Variants in TRERF1 observed in about 807,000 individuals in gnomAD.
TRERF1 encodes transcriptional regulating factor 1.
Under a neutral mutation model 122.9 loss-of-function variants are expected in TRERF1, and 27 were observed. The observed-to-expected ratio is 0.22, with a 90% CI of 0.16 to 0.30. The LOEUF (loss-of-function observed/expected upper bound fraction) is 0.30, where lower values mean the gene tolerates loss of function less well. Among genes scored for constraint, TRERF1 ranks in the 10% least tolerant of loss-of-function variants. TRERF1 has a pLI of 1.00. For synonymous variants in TRERF1, 636 were observed against 641.7 expected, an observed-to-expected ratio of 0.99 and a Z score of 0.13; for missense variants, 1,248 against 1,560.3, an observed-to-expected ratio of 0.80 and a Z score of 3.37.
chr6:42,371,219 T>A (rs1292050951), intron 2 of TRERF1, among the ~76,000 whole-genome samples: 1 of 152,134 alleles, frequency 6.6e-6, no homozygotes, highest in Non-Finnish European at 1.5e-5. Context: ...GCATTCAGGA[T>A]AACTGGAGTG....
chr6:42,351,912 A>C (rs911796247), intron 3 of TRERF1, among the ~76,000 whole-genome samples: 4 of 152,314 alleles, frequency 2.6e-5, no homozygotes, highest in Admixed American at 2.6e-4. Context: ...GCAGGGCTCC[A>C]CCGGTGGAGT....
At chr6:42,242,117 A>G (rs1039953518) in intron 15 of TRERF1, among the ~76,000 whole-genome samples, 2 of 152,204 alleles carry the variant, frequency 1.3e-5, no homozygotes, top group Admixed American at 1.3e-4. Context: ...GAAAATTTGC[A>G]TCTGACTGCT....
intron 2 of TRERF1, among the ~76,000 whole-genome samples, chr6:42,443,042 G>A (rs146295448): frequency 7.2e-4 from 110 of 152,300 alleles, no homozygotes; most frequent in Middle Eastern, 3.4e-3. Flanking sequence ...TACAAAATGC[G>A]AGTTATTTCA....
At position 42,451,161 on chromosome 6, in the gene TRERF1, T is replaced by C. The variant is rs1788415735; in HGVS notation, c.-454+16A>G. 1 of 151,480 alleles carries C rather than the reference T, an allele frequency of 6.6e-6. No homozygotes were observed. The highest frequency in any genetic ancestry group is 2.1e-4 in the South Asian group (1 of 4,752). 9.4% of individuals were successfully genotyped at this position (151,480 alleles called of 1,614,324 possible). On this transcript the variant is annotated intron_variant, in intron 2 of 17. Transcript: ENST00000372922. The stretch of plus-strand genomic sequence containing the variant: ...CTAATTTTTTAAAAATGAAACTTAA[T>C]AAGCTTCTTGCCTACCTTGGCTGTT...
intron 4 of TRERF1, among the ~76,000 whole-genome samples, chr6:42,291,689 A>G (rs903879787): frequency 1.3e-4 from 19 of 147,614 alleles, no homozygotes; most frequent in African/African-American, 3.5e-4. Flanking sequence ...GCCTGCCACC[A>G]CGCCCGGCTG....
In TRERF1 at chr6:42,288,544, G is replaced by A. The variant is rs951845818; in HGVS notation, c.-259+12094C>T. 2.1e-5 allele frequency among the ~76,000 whole-genome samples: 3 copies of A among 145,916 alleles called. No homozygotes were observed. The South Asian group carries it at 6.5e-4, about 31-fold the overall frequency. ...GATGGCTCCATTGCACTCCAGCCTG[G>A]GCAACAAGAGCGAAACTCCATCTCA... On this transcript the variant is annotated intron_variant, in intron 4 of 17. Transcript: ENST00000372922.
intron 4 of TRERF1, among the ~76,000 whole-genome samples, chr6:42,291,149 C>T (rs892489700): frequency 2.6e-5 from 4 of 152,200 alleles, no homozygotes; most frequent in African/African-American, 9.7e-5. Flanking sequence ...AGGAAATTAA[C>T]ATGCAGGGGA....
At chr6:42,300,964 G>T (rs1786057519) in intron 3 of TRERF1, among the ~76,000 whole-genome samples, 1 of 152,178 alleles carries the variant, frequency 6.6e-6, no homozygotes, top group African/African-American at 2.4e-5. Flanking sequence ...ATGAGGCCAT[G>T]GAGATGAACT....
chr6:42,379,761 GC>G (rs967349230), intron 2 of TRERF1, among the ~76,000 whole-genome samples: 21 of 152,238 alleles, frequency 1.4e-4, no homozygotes, highest in African/African-American at 5.1e-4. Flanking sequence ...GAAATCCTGA[GC>G]CCAAGCGATC....
intron 2 of TRERF1, among the ~76,000 whole-genome samples, chr6:42,386,617 G>T (rs1489999539): frequency 7.9e-5 from 12 of 152,196 alleles, no homozygotes; most frequent in African/African-American, 2.7e-4. Flanking sequence ...GGTCTGTGCA[G>T]CAACAAGACA....
intron 3 of TRERF1, among the ~76,000 whole-genome samples, chr6:42,336,688 G>A (rs1482566617): frequency 1.3e-5 from 2 of 152,172 alleles, no homozygotes; most frequent in Non-Finnish European, 2.9e-5. Flanking sequence ...CTTGGCGGAG[G>A]AGCATGAACT....
rs181691310 is a variant in TRERF1 at position 42,246,309 on chromosome 6, C to G, written c.2745+147G>C. 23 of 653,300 alleles carry G rather than the reference C, an allele frequency of 3.5e-5. No homozygotes were observed. The East Asian group carries it at 4.5e-4, about 13-fold the overall frequency. 40.5% of individuals were successfully genotyped at this position (653,300 alleles called of 1,614,324 possible). A position where few individuals can be genotyped will look rare whatever the true frequency, so the allele number is the denominator to read the frequency against. On this transcript the variant is annotated intron_variant, in intron 14 of 17. Coordinates refer to ENST00000372922, the Ensembl canonical transcript of TRERF1. Reference sequence around the variant, plus strand: ...GTCCTAACACTGGGGCCATACCACCCCTATCTCCACTACCATCCTCACCAG... The same window carrying G: ...GTCCTAACACTGGGGCCATACCACCGCTATCTCCACTACCATCCTCACCAG...
intron 2 of TRERF1, among the ~76,000 whole-genome samples, chr6:42,404,965 C>T (rs746886674): frequency 1.3e-5 from 2 of 152,164 alleles, no homozygotes; most frequent in Non-Finnish European, 2.9e-5. Flanking sequence ...CACCCCCAGG[C>T]TACAGTCAGC....
chr6:42,425,567 G>A (rs1783519280), intron 2 of TRERF1, among the ~76,000 whole-genome samples: 1 of 109,392 alleles, frequency 9.1e-6, no homozygotes, highest in Non-Finnish European at 1.8e-5. Flanking sequence ...TTTTTGAGAT[G>A]GAGTCTCGCA....
intron 3 of TRERF1, among the ~76,000 whole-genome samples, chr6:42,317,552 A>G (rs1442788399): frequency 6.6e-6 from 1 of 151,880 alleles, no homozygotes; most frequent in African/African-American, 2.4e-5. Flanking sequence ...ACAGGGTCTC[A>G]TTTTGTTGCC....
At position 42,238,578 on chromosome 6, in the gene TRERF1, G is replaced by A. The variant is rs577393492; in HGVS notation, c.2860-2167C>T. Among the ~76,000 whole-genome samples, 13 of 152,224 alleles carry A rather than the reference G, an allele frequency of 8.5e-5. No individual in the cohort carries two copies. In the South Asian group the frequency reaches 2.7e-3, roughly 32 times the overall value. ...TTACTATATTCCAAAATTAGAAGGTGGGCAAATATGGGGGTGGGGAGGAGG... is the reference window on the plus strand; with the variant it reads ...TTACTATATTCCAAAATTAGAAGGTAGGCAAATATGGGGGTGGGGAGGAGG... On this transcript the variant is annotated intron_variant, in intron 15 of 17. Coordinates refer to ENST00000372922, the Ensembl canonical transcript of TRERF1.
exon 15 of TRERF1, chr6:42,243,318 G>A (rs769282713): frequency 6.2e-7 from 1 of 1,614,140 alleles, no homozygotes; most frequent in South Asian, 1.1e-5. Flanking sequence ...CTTTTTCCAC[G>A]TGTAGTAGTA....
intron 12 of TRERF1, among the ~76,000 whole-genome samples, chr6:42,255,720 A>G (rs986356034): frequency 3.9e-5 from 6 of 152,248 alleles, no homozygotes; most frequent in Non-Finnish European, 8.8e-5. Flanking sequence ...AGGGTATCAT[A>G]GTATTGGGAC....
intron 2 of TRERF1, among the ~76,000 whole-genome samples, chr6:42,404,694 C>T (rs552530256): frequency 7.2e-5 from 11 of 152,062 alleles, no homozygotes; most frequent in Non-Finnish European, 1.0e-4. Flanking sequence ...CCTCTTGATC[C>T]TACCGTCTAA....
Sources: allele counts gnomAD v4.1 joint callset (sites outside exome capture counted in the v4.1 genomes callset), GRCh38; gene constraint gnomAD v4.1.1; transcripts MANE v1.5; gene names NCBI Gene and HGNC (gene_info 2026-07-23, HGNC 2026-07-21).